The following SYTL3 variants were observed in gnomAD, a reference collection of about 807,000 sequenced individuals.
SYTL3 encodes synaptotagmin like 3, also known as synaptotagmin-like protein 3.
A neutral mutation model predicts 82.1 loss-of-function variants in SYTL3; 88 were observed. The ratio of observed to expected loss-of-function variants is 1.07; its 90% CI spans 0.90 to 1.28. The LOEUF (loss-of-function observed/expected upper bound fraction) is 1.28, where lower values mean the gene tolerates loss of function less well. SYTL3 is among the 50% of genes most tolerant of loss of function. The pLI is 0.00. For missense variants in SYTL3, 831 were observed against 757.6 expected (o/e 1.10, Z -1.14); for synonymous variants, 311 against 289.4 (o/e 1.07, Z -0.76).
At chr6:158,685,928 G>A (rs115724258) in intron 6 of SYTL3, among the ~76,000 whole-genome samples, 2,154 of 152,328 alleles carry the variant, frequency 0.014, 49 homozygotes, top group African/African-American at 0.049. Flanking sequence ...ATAAACAGTA[G>A]TGCTGTAGGA....
chr6:158,734,169 G>A (rs1344827733), intron 11 of SYTL3, among the ~76,000 whole-genome samples: 26 of 145,026 alleles, frequency 1.8e-4, no homozygotes, highest in Non-Finnish European at 9.1e-5. Context: ...AAACCTTTTT[G>A]TCTAAATGCT....
intron 11 of SYTL3, among the ~76,000 whole-genome samples, chr6:158,742,604 C>T (rs1787079988): frequency 6.7e-6 from 1 of 148,232 alleles, no homozygotes; most frequent in Non-Finnish European, 1.5e-5. Flanking sequence ...GAGATGGAGT[C>T]TCGCTCTGTC....
chr6:158,763,785 C>T (rs574374418), intron 17 of SYTL3, among the ~76,000 whole-genome samples: 6 of 152,232 alleles, frequency 3.9e-5, no homozygotes, highest in Non-Finnish European at 8.8e-5. Flanking sequence ...TTGTTTCTGG[C>T]GTCAATCATA....
chr6:158,728,154 T>TC (rs1270823734), intron 11 of SYTL3, among the ~76,000 whole-genome samples: 3 of 152,182 alleles, frequency 2.0e-5, no homozygotes, highest in Non-Finnish European at 4.4e-5. Context: ...CTGTGTCTCG[T>TC]CCATCTGCAA....
intron 11 of SYTL3, among the ~76,000 whole-genome samples, chr6:158,737,844 GAC>G (rs1229236459): frequency 1.3e-5 from 2 of 152,202 alleles, no homozygotes; most frequent in Non-Finnish European, 2.9e-5. Context: ...CTGCTCAGCA[GAC>G]ACAGCGGTTG....
intron 8 of SYTL3, among the ~76,000 whole-genome samples, chr6:158,709,610 C>T (rs899588076): frequency 1.3e-5 from 2 of 152,010 alleles, no homozygotes; most frequent in African/African-American, 4.8e-5. Flanking sequence ...AATATATTGT[C>T]TTGGTTATCT....
intron 6 of SYTL3, among the ~76,000 whole-genome samples, chr6:158,697,275 CG>C (rs772691983): frequency 3.8e-5 from 4 of 105,418 alleles, no homozygotes; most frequent in African/African-American, 1.2e-4. Flanking sequence ...CCCATCTCTA[CG>C]GAAAAAAAAA....
chr6:158,710,111 A>G (rs1227364025), intron 8 of SYTL3, among the ~76,000 whole-genome samples: 2 of 152,180 alleles, frequency 1.3e-5, no homozygotes, highest in African/African-American at 4.8e-5. Flanking sequence ...CAAAAACAGC[A>G]TGCATATTTT....
chr6:158,705,463 A>AGCGGG (rs1481347782), intron 6 of SYTL3, among the ~76,000 whole-genome samples: 14 of 118,492 alleles, frequency 1.2e-4, no homozygotes, highest in Non-Finnish European at 1.6e-4. Context: ...CACATAGGGC[A>AGCGGG]GGAGGGACCT....
Position 158,728,295 on chromosome 6 carries a change from A to C in SYTL3, c.855+2658A>C, listed in dbSNP as rs1381730225. Among the ~76,000 whole-genome samples, 27 of 151,582 alleles carry C rather than the reference A, an allele frequency of 1.8e-4. No homozygotes were observed. In the Admixed American group the frequency reaches 1.8e-3, roughly 10 times the overall value. ...TGGTGTAAGGTAGAGATTGGGGCTC[A>C]TTTTTTTCCATATGGATATTTAGTC... On this transcript the variant is annotated intron_variant, in intron 11 of 17. Coordinates refer to ENST00000611299, the MANE Select transcript of SYTL3 (RefSeq NM_001242394.2).
At chr6:158,758,450 A>C (rs993545555) in intron 14 of SYTL3, among the ~76,000 whole-genome samples, 4 of 151,468 alleles carry the variant, frequency 2.6e-5, no homozygotes, top group African/African-American at 9.7e-5. Context: ...AAAAAAAAAA[A>C]AACCCAGCGG....
chr6:158,679,375 A>G (rs1778400843), intron 5 of SYTL3, among the ~76,000 whole-genome samples: 1 of 150,300 alleles, frequency 6.7e-6, no homozygotes, highest in African/African-American at 2.4e-5. Flanking sequence ...GTCTCAAAGA[A>G]AAAAAAAAAG....
rs866624696 is a variant in SYTL3, at chr6:158,746,552, G to A, written c.1034+894G>A. The stretch of plus-strand genomic sequence containing the variant: ...GCAATCTCGGCTCACTGCAACCTCC[G>A]CCTCCCGGGTTCAAGTGATTCTCCT... On this transcript the variant is annotated intron_variant, in intron 12 of 17. Transcript: ENST00000611299. Among the ~76,000 whole-genome samples the A allele has an allele frequency of 5.3e-5, 8 of 150,756 alleles. No individual in the cohort carries two copies. In the East Asian group the frequency reaches 5.8e-4, roughly 11 times the overall value.
intron 5 of SYTL3, among the ~76,000 whole-genome samples, chr6:158,666,373 G>T (rs1044557511): frequency 3.9e-5 from 6 of 152,138 alleles, no homozygotes; most frequent in Non-Finnish European, 8.8e-5. Context: ...GGTGTTTAGG[G>T]GGTTTTAATA....
At chr6:158,748,799 C>G (rs1787983109) in intron 12 of SYTL3, among the ~76,000 whole-genome samples, 1 of 150,118 alleles carries the variant, frequency 6.7e-6, no homozygotes, top group African/African-American at 2.5e-5. Context: ...GAGCTGAGGT[C>G]ACACCATTGC....
rs1054821317 is a variant in SYTL3, at chr6:158,663,000, C to T, written c.-269C>T. The T allele has an allele frequency of 6.0e-6, 2 of 334,814 alleles. No individual in the cohort carries two copies. The highest frequency in any genetic ancestry group is 1.1e-5 in the Non-Finnish European group (2 of 182,852). The allele number at this position is 334,814 out of a possible 1,614,324, so 20.7% of individuals were successfully genotyped here. A position where few individuals can be genotyped will look rare whatever the true frequency, so the allele number is the denominator to read the frequency against. On this transcript the variant is annotated 5_prime_UTR_variant, in exon 4 of 18. Coordinates refer to ENST00000611299, the MANE Select transcript of SYTL3 (RefSeq NM_001242394.2). ...GGATGTCAGCAGCTGCTGCAGAACCCGGTGAAAACACCCCCCGGGTAGCAC... is the reference window on the plus strand; with the variant it reads ...GGATGTCAGCAGCTGCTGCAGAACCTGGTGAAAACACCCCCCGGGTAGCAC...
intron 5 of SYTL3, among the ~76,000 whole-genome samples, chr6:158,674,149 C>T (rs950470019): frequency 1.5e-4 from 23 of 151,316 alleles, no homozygotes; most frequent in African/African-American, 5.6e-4. Context: ...TCTTCTCCCT[C>T]AACATTTAAT....
chr6:158,747,668 G>T (rs1787849115), intron 12 of SYTL3, among the ~76,000 whole-genome samples: 1 of 151,740 alleles, frequency 6.6e-6, no homozygotes, highest in Non-Finnish European at 1.5e-5. Context: ...ACTTATTTTT[G>T]TAGAGACAGG....
At chr6:158,681,617 G>C (rs1778706887) in intron 5 of SYTL3, among the ~76,000 whole-genome samples, 1 of 152,170 alleles carries the variant, frequency 6.6e-6, no homozygotes, top group Non-Finnish European at 1.5e-5. Flanking sequence ...GGGGGAGATT[G>C]AAGTGACTTG....
Sources: gnomAD v4.1 joint callset for allele counts (sites outside exome capture counted in the v4.1 genomes callset) on GRCh38, gnomAD v4.1.1 for gene constraint, MANE v1.5 for transcripts, NCBI Gene and HGNC (gene_info 2026-07-23, HGNC 2026-07-21) for gene names.